TAPBP: variants seen among roughly 807,000 people sequenced by gnomAD.
The protein encoded by TAPBP is tapasin.
A neutral mutation model predicts 45.7 loss-of-function variants in TAPBP; 38 were observed. The ratio of observed to expected loss-of-function variants is 0.83; its 90% CI spans 0.64 to 1.09. The LOEUF is 1.09. TAPBP is among the 50% of genes least tolerant of loss of function. The pLI, the probability that TAPBP is intolerant of heterozygous loss-of-function variation, is 0.00. For missense variants in TAPBP, 513 were observed against 587.3 expected, an observed-to-expected ratio of 0.87 and a Z score of 1.31; for synonymous variants, 226 against 254.8, an observed-to-expected ratio of 0.89 and a Z score of 1.08.
chr6:33,301,796 A>G (rs746067090), intron 7 of TAPBP, 25 bp from the exon 8 acceptor site: 1 of 1,614,112 alleles, frequency 6.2e-7, no homozygotes. Context: ...GGTGGTGAGG[A>G]ATTCAGGATA....
intron 3 of TAPBP, among the ~76,000 whole-genome samples, chr6:33,310,505 CAAAA>C (rs9280402): frequency 2.1e-5 from 1 of 47,852 alleles, no homozygotes; most frequent in Non-Finnish European, 3.8e-5. Context: ...GACTCTGTCT[CAAAA>C]AAAAAAAAAA....
intron 3 of TAPBP, among the ~76,000 whole-genome samples, chr6:33,309,349 C>T (rs1769180282): frequency 6.6e-6 from 1 of 151,592 alleles, no homozygotes; most frequent in Non-Finnish European, 1.5e-5. Flanking sequence ...CATGCCATTG[C>T]CCTCCAGACT....
Position 33,313,542 on chromosome 6 carries a change from G to T in TAPBP, c.209-65C>A. 6.6e-7 allele frequency: 1 copy of T among 1,509,620 alleles called. No individual in the cohort carries two copies. Among genetic ancestry groups the T allele is most frequent in the Non-Finnish European group, 8.9e-7 (1 of 1,126,484 alleles). The allele number at this position is 1,509,620 out of a possible 1,614,324, so 93.5% of individuals were successfully genotyped here. A position where few individuals can be genotyped will look rare whatever the true frequency, so the allele number is the denominator to read the frequency against. ...CCGGGAAAGGGGCTGGAAGGGCAGC[G>T]TTCGGGGAACTTCAAATGCACAGAC... On this transcript the variant is annotated intron_variant, in intron 2 of 7. Transcript: ENST00000434618. The surrounding 1 kb of genome is among the most constrained non-coding windows in gnomAD (Gnocchi z 7.2).
chr6:33,309,215 G>A (rs780095696), intron 3 of TAPBP, among the ~76,000 whole-genome samples: 3 of 151,882 alleles, frequency 2.0e-5, no homozygotes, highest in Admixed American at 6.6e-5. Context: ...GAGAAACCCC[G>A]TCTCTACTAA....
chr6:33,303,376 A>T (rs1352720432), intron 7 of TAPBP, among the ~76,000 whole-genome samples: 1 of 152,040 alleles, frequency 6.6e-6, no homozygotes, highest in Non-Finnish European at 1.5e-5. Flanking sequence ...CCGAGATCGC[A>T]CCATTGCACC....
In TAPBP at chr6:33,313,833, C is replaced by T; in HGVS notation, c.69G>A (p.Ala23=). 2 of 1,613,878 alleles carry T rather than the reference C, an allele frequency of 1.2e-6. No homozygotes were observed. The highest frequency in any genetic ancestry group is 1.7e-6 in the Non-Finnish European group (2 of 1,180,028). ...CCTCCACGAACCAACACTCGATCACCGCGGGTCCTGCTGAGACGGCGGTCG... is the reference window on the plus strand; with the variant it reads ...CCTCCACGAACCAACACTCGATCACTGCGGGTCCTGCTGAGACGGCGGTCG... ...GLATAVSAGP[A]VIECWFVEDA... The change falls in exon 2 of 8, where the codon GCG becomes GCA. Residue 23 remains alanine, a synonymous_variant. Coordinates refer to ENST00000434618, the MANE Select transcript of TAPBP (RefSeq NM_003190.5). This position sits in a 1 kb window ranked among gnomAD's most constrained non-coding sequence, Gnocchi z 7.2.
At chr6:33,304,661 G>A in intron 4 of TAPBP, 23 bp from the exon 5 acceptor site, 1 of 1,539,662 alleles carries the variant, frequency 6.5e-7, no homozygotes, top group Non-Finnish European at 8.7e-7. Flanking sequence ...GACGAAATGA[G>A]CATAGGGAAA....
Position 33,313,093 on chromosome 6 carries a change from A to G in TAPBP, c.469+124T>C. Reference sequence around the variant, plus strand: ...TCATTCTAGCCAAACCACCTCTCTTAACAAAAAAAGGAAACTGAACCCCGA... The same window carrying G: ...TCATTCTAGCCAAACCACCTCTCTTGACAAAAAAAGGAAACTGAACCCCGA... On this transcript the variant is annotated intron_variant, in intron 3 of 7. Coordinates refer to ENST00000434618, the MANE Select transcript of TAPBP (RefSeq NM_003190.5). The surrounding 1 kb of genome is among the most constrained non-coding windows in gnomAD (Gnocchi z 7.2). 2 of 1,173,132 alleles carry G rather than the reference A, an allele frequency of 1.7e-6. No homozygotes were observed. Among genetic ancestry groups the G allele is most frequent in the Non-Finnish European group, 2.4e-6 (2 of 834,054 alleles). 72.7% of individuals were successfully genotyped at this position (1,173,132 alleles called of 1,614,324 possible).
rs1221115567 is a variant in TAPBP at position 33,300,748 on chromosome 6, C to T, written c.*1012G>A. On this transcript the variant is annotated 3_prime_UTR_variant, in exon 8 of 8. Coordinates refer to ENST00000434618, the MANE Select transcript of TAPBP (RefSeq NM_003190.5). ...TGGGAGGCCGAGGCGGGCGGATCAC[C>T]AGGTTAGGAGATCGAGACCATCCTG... 6.8e-6 allele frequency: 1 copy of T among 148,118 alleles called. No homozygotes were observed. The highest frequency in any genetic ancestry group is 2.5e-5 in the African/African-American group (1 of 40,120). 9.2% of individuals were successfully genotyped at this position (148,118 alleles called of 1,614,324 possible). A position where few individuals can be genotyped will look rare whatever the true frequency, so the allele number is the denominator to read the frequency against.
At chr6:33,303,676 G>C in intron 7 of TAPBP, 4 of 1,425,500 alleles carry the variant, frequency 2.8e-6, no homozygotes, top group Non-Finnish European at 2.8e-6. Flanking sequence ...GTGAGTACTA[G>C]AGTATTTAAA....
Position 33,311,648 on chromosome 6 carries a change from A to T in TAPBP, c.469+1569T>A, listed in dbSNP as rs1369157766. Among the ~76,000 whole-genome samples, 3 of 151,604 alleles carry T rather than the reference A, an allele frequency of 2.0e-5. 1 individual carries two copies. The highest frequency in any genetic ancestry group is 1.3e-4 in the Admixed American group (2 of 15,254). On this transcript the variant is annotated intron_variant, in intron 3 of 7. Coordinates refer to ENST00000434618, the MANE Select transcript of TAPBP (RefSeq NM_003190.5). ...CTGTCTCAAAAATAAATAAATAAAT[A>T]AAATAAAAATAAATAAATAGCACAG...
rs1487703229 is a variant in TAPBP, at chr6:33,313,397, C to G, written c.289G>C (p.Val97Leu). ...CATTTCGCAGAGGCGGGGAGAGGCA[C>G]GAAGCGGCTCATCTCGCAGTGTGGT... ...PAPHCEMSRFVPLPASAKWAS... is the reference protein window; with the variant it reads ...PAPHCEMSRFLPLPASAKWAS... The change falls in exon 3 of 8, where the codon GTG becomes CTG. Residue 97 changes from valine (V) to leucine (L), a missense_variant. Physicochemically the swap from Val to Leu is conservative, Grantham distance 32. Coordinates refer to ENST00000434618, the MANE Select transcript of TAPBP (RefSeq NM_003190.5). The surrounding 1 kb of genome is among the most constrained non-coding windows in gnomAD (Gnocchi z 7.2). 2 of 1,610,784 alleles carry G rather than the reference C, an allele frequency of 1.2e-6. No individual in the cohort carries two copies. The highest frequency in any genetic ancestry group is 1.7e-6 in the Non-Finnish European group (2 of 1,178,488).
chr6:33,303,934 C>G (rs1268384590), intron 7 of TAPBP, 21 bp downstream of exon 7: 1 of 1,613,924 alleles, frequency 6.2e-7, no homozygotes, highest in Non-Finnish European at 8.5e-7. Flanking sequence ...GGGAAAGATA[C>G]AGAGAGGTGG....
rs139155669 is a variant in TAPBP at position 33,313,741 on chromosome 6, G to T, written c.161C>A (p.Pro54Gln). Residue 54 changes from proline to glutamine, a missense_variant, in exon 2 of 8, where the codon CCG becomes CAG. Pro to Gln is a moderately conservative substitution (Grantham distance 76). Transcript: ENST00000434618. This position sits in a 1 kb window ranked among gnomAD's most constrained non-coding sequence, Gnocchi z 7.2. ...AGGGTCGAGGTCCGGCCGGGGCGGCGGTTCCCCCGGTCCCTGGCGCAACAG... is the reference window on the plus strand; with the variant it reads ...AGGGTCGAGGTCCGGCCGGGGCGGCTGTTCCCCCGGTCCCTGGCGCAACAG... The part of the protein sequence containing the change: ...ALLLRQGPGE[P>Q]PPRPDLDPEL... 2 of 1,613,612 alleles carry T rather than the reference G, an allele frequency of 1.2e-6. No individual in the cohort carries two copies. Among genetic ancestry groups the T allele is most frequent in the East Asian group, 2.2e-5 (1 of 44,880 alleles).
In TAPBP at chr6:33,301,358, G is replaced by C. The variant is rs1428992057; in HGVS notation, c.*402C>G. 1 of 190,840 alleles carries C rather than the reference G, an allele frequency of 5.2e-6. No individual in the cohort carries two copies. The highest frequency in any genetic ancestry group is 2.4e-5 in the African/African-American group (1 of 42,194). The allele number at this position is 190,840 out of a possible 1,614,324, so 11.8% of individuals were successfully genotyped here. A position where few individuals can be genotyped will look rare whatever the true frequency, so the allele number is the denominator to read the frequency against. On this transcript the variant is annotated 3_prime_UTR_variant, in exon 8 of 8. Coordinates refer to ENST00000434618, the MANE Select transcript of TAPBP (RefSeq NM_003190.5). ...GGAGGCTGAGGTGGGCAGATCACCT[G>C]AGGTCAGGAATTCAAGACCAGCCTG...
chr6:33,304,673 C>G, intron 4 of TAPBP, 35 bp from the exon 5 acceptor site: 1 of 1,528,086 alleles, frequency 6.5e-7, no homozygotes, highest in Non-Finnish European at 8.8e-7. Flanking sequence ...ATAGGGAAAT[C>G]AGTCCATACT....
rs879252472 is a variant in TAPBP at position 33,301,617 on chromosome 6, GAA to G, written c.*141_*142del. On this transcript the variant is annotated 3_prime_UTR_variant, in exon 8 of 8. Coordinates refer to ENST00000434618, the MANE Select transcript of TAPBP (RefSeq NM_003190.5). ...AAAATTATCCCTTATATAAGTGAAAGAAAAAAAAAAAAGCATTCCAGCCACTC... is the reference window on the plus strand; with the variant it reads ...AAAATTATCCCTTATATAAGTGAAAGAAAAAAAAAAGCATTCCAGCCACTC... The G allele has an allele frequency of 1.0e-3, 564 of 554,548 alleles. No individual in the cohort carries two copies. Among genetic ancestry groups the G allele is most frequent in the South Asian group, 1.4e-3 (62 of 43,496 alleles). The allele number at this position is 554,548 out of a possible 1,614,324, so 34.4% of individuals were successfully genotyped here.
chr6:33,309,734 T>A (rs968006276), intron 3 of TAPBP, among the ~76,000 whole-genome samples: 10 of 143,288 alleles, frequency 7.0e-5, no homozygotes, highest in Admixed American at 4.2e-4. Context: ...TTTTTTTTTT[T>A]TTTTTTTTTG....
chr6:33,300,706 G>A lies in TAPBP; in HGVS notation c.*1054C>T, dbSNP rs1333345061. The A allele has an allele frequency of 6.9e-6, 1 of 143,948 alleles. No homozygotes were observed. The highest frequency in any genetic ancestry group is 2.2e-4 in the South Asian group (1 of 4,508). The allele number at this position is 143,948 out of a possible 1,614,324, so 8.9% of individuals were successfully genotyped here. On this transcript the variant is annotated 3_prime_UTR_variant, in exon 8 of 8. Transcript: ENST00000434618. ...TGCAGCCGGGCGCGGTGGCTCACGC[G>A]GGTAATCCCAATACTTTGGGAGGCC... is the stretch of plus-strand genomic sequence containing the variant.
Sources: gnomAD v4.1 joint callset for allele counts (sites outside exome capture counted in the v4.1 genomes callset) on GRCh38, gnomAD v4.1.1 for gene constraint, Gnocchi (gnomAD v3.1) non-coding constraint, MANE v1.5 for transcripts, NCBI Gene and HGNC (gene_info 2026-07-23, HGNC 2026-07-21) for gene names.